The following DCLK1 variants were observed in gnomAD, a reference collection of about 807,000 sequenced individuals.
The protein encoded by DCLK1 is doublecortin like kinase 1.
In DCLK1, 16 loss-of-function variants were observed where a neutral mutation model predicts 86.2. The observed-to-expected ratio is 0.19, with a 90% CI of 0.13 to 0.28. The LOEUF is 0.28. Ranked by LOEUF, DCLK1 falls within the 10% of genes least tolerant of loss-of-function variation. The pLI, the probability that DCLK1 is intolerant of heterozygous loss-of-function variation, is 1.00. For synonymous variants in DCLK1, 369 were observed against 370.5 expected, an observed-to-expected ratio of 1.00 and a Z score of 0.05; for missense variants, 590 against 940.2, an observed-to-expected ratio of 0.63 and a Z score of 4.87.
chr13:35,898,504 C>G (rs1255717506), intron 4 of DCLK1, among the ~76,000 whole-genome samples: 1 of 152,166 alleles, frequency 6.6e-6, no homozygotes, highest in Non-Finnish European at 1.5e-5. Flanking sequence ...TAATGAGAAT[C>G]AAAATTGGCT....
At chr13:35,885,587 T>G (rs1409207909) in intron 4 of DCLK1, among the ~76,000 whole-genome samples, 1 of 152,194 alleles carries the variant, frequency 6.6e-6, no homozygotes, top group East Asian at 1.9e-4. Context: ...AGGTTTTACT[T>G]TCAAGAAATA....
intron 3 of DCLK1, 141 bp downstream of exon 3, chr13:36,111,728 G>C: frequency 1.5e-6 from 1 of 665,278 alleles, no homozygotes; most frequent in Non-Finnish European, 2.5e-6. Context: ...GACTGTTCTA[G>C]GGCCAGCAAG....
chr13:36,039,161 G>A (rs1227366260), intron 3 of DCLK1, among the ~76,000 whole-genome samples: 1 of 152,170 alleles, frequency 6.6e-6, no homozygotes, highest in Middle Eastern at 3.2e-3. Context: ...TTTCAGGTAA[G>A]GAATGAGTAG....
intron 15 of DCLK1, 110 bp downstream of exon 15, chr13:35,805,589 G>A: frequency 9.0e-7 from 1 of 1,105,302 alleles, no homozygotes; most frequent in South Asian, 1.5e-5. Context: ...GTGAGACACT[G>A]CGCCTGGCCC....
At position 35,805,451 on chromosome 13, in the gene DCLK1, T is replaced by A. The variant is rs909856585; in HGVS notation, c.1944+248A>T. ...AGCTGGGACCACAGGCTTGTGCCAC[T>A]ATGCCCAGCTAATTTTTTGTATTTT... On this transcript the variant is annotated intron_variant, in intron 15 of 16. Coordinates refer to ENST00000360631, the MANE Select transcript of DCLK1 (RefSeq NM_001330071.2). 1.2e-5 allele frequency: 5 copies of A among 415,608 alleles called. No individual in the cohort carries two copies. The Admixed American group carries it at 1.7e-4, about 14-fold the overall frequency. The allele number at this position is 415,608 out of a possible 1,614,324, so 25.7% of individuals were successfully genotyped here.
At chr13:36,099,763 G>C (rs1038186797) in intron 3 of DCLK1, among the ~76,000 whole-genome samples, 2 of 152,178 alleles carry the variant, frequency 1.3e-5, no homozygotes, top group African/African-American at 4.8e-5. Context: ...TCCGTGAATA[G>C]TCTGTTCACC....
intron 3 of DCLK1, among the ~76,000 whole-genome samples, chr13:36,040,605 T>C (rs1229111935): frequency 6.6e-6 from 1 of 151,862 alleles, no homozygotes; most frequent in Non-Finnish European, 1.5e-5. Flanking sequence ...GTTAATCTTT[T>C]ATTCTCCTTT....
intron 8 of DCLK1, among the ~76,000 whole-genome samples, chr13:35,834,410 G>A (rs979965859): frequency 2.6e-5 from 4 of 152,160 alleles, no homozygotes; most frequent in African/African-American, 4.8e-5. Context: ...GTGGTTAAAA[G>A]TGTGGTTTTT....
At chr13:36,063,964 G>A (rs547232484) in intron 3 of DCLK1, among the ~76,000 whole-genome samples, 10 of 152,238 alleles carry the variant, frequency 6.6e-5, no homozygotes, top group African/African-American at 2.4e-4. Flanking sequence ...TTTAAAACAT[G>A]ACCTGAAGGG....
chr13:36,066,210 A>T (rs535616231), intron 3 of DCLK1, among the ~76,000 whole-genome samples: 1 of 152,296 alleles, frequency 6.6e-6, no homozygotes, highest in African/African-American at 2.4e-5. Context: ...GAAAGGGTCA[A>T]GTCACTTCCC....
At chr13:35,892,565 T>C (rs538011789) in intron 4 of DCLK1, among the ~76,000 whole-genome samples, 1 of 152,354 alleles carries the variant, frequency 6.6e-6, no homozygotes, top group South Asian at 2.1e-4. Context: ...AATTAGATGT[T>C]AGTTTCCAGT....
chr13:36,036,665 C>T (rs1695618922), intron 3 of DCLK1, among the ~76,000 whole-genome samples: 1 of 151,928 alleles, frequency 6.6e-6, no homozygotes, highest in South Asian at 2.1e-4. Flanking sequence ...CATAGAAAGT[C>T]ACATTTTATT....
At chr13:35,844,507 T>A (rs2153108773) in intron 6 of DCLK1, among the ~76,000 whole-genome samples, 1 of 152,292 alleles carries the variant, frequency 6.6e-6, no homozygotes, top group East Asian at 1.9e-4. Context: ...CCAAGGAGAC[T>A]TGTGTCATTG....
intron 4 of DCLK1, among the ~76,000 whole-genome samples, chr13:35,899,879 C>A (rs1447896381): frequency 6.6e-6 from 1 of 152,130 alleles, no homozygotes; most frequent in Non-Finnish European, 1.5e-5. Context: ...TTCTATAATA[C>A]ACGCTGTTTC....
At chr13:35,974,224 C>T (rs146385846) in intron 3 of DCLK1, among the ~76,000 whole-genome samples, 4 of 152,248 alleles carry the variant, frequency 2.6e-5, no homozygotes, top group East Asian at 1.9e-4. Flanking sequence ...TTCCTAACCC[C>T]GAGTACTTGA....
rs572781600 is a variant in DCLK1 at position 35,848,340 on chromosome 13, T to G, written c.1035+6159A>C. The G allele has an allele frequency of 1.1e-3, 1,096 of 985,078 alleles. 12 individuals carry two copies. The African/African-American group carries it at 0.012, about 11-fold the overall frequency. 61.0% of individuals were successfully genotyped at this position (985,078 alleles called of 1,614,324 possible). A position where few individuals can be genotyped will look rare whatever the true frequency, so the allele number is the denominator to read the frequency against. ...AAGAAATTTTTATTTCTGCTTTAGT[T>G]TAATAGAATTATGTTTTGCATAAAA... On this transcript the variant is annotated intron_variant, in intron 6 of 16. Coordinates refer to ENST00000360631, the MANE Select transcript of DCLK1 (RefSeq NM_001330071.2).
At chr13:36,111,038 G>C (rs1336631387) in intron 3 of DCLK1, among the ~76,000 whole-genome samples, 1 of 151,562 alleles carries the variant, frequency 6.6e-6, no homozygotes, top group Non-Finnish European at 1.5e-5. Context: ...GTTTCACCCT[G>C]TTAGCCAGGA....
chr13:36,104,052 T>C (rs1233006958), intron 3 of DCLK1, among the ~76,000 whole-genome samples: 1 of 152,224 alleles, frequency 6.6e-6, no homozygotes, highest in South Asian at 2.1e-4. Context: ...TTTTCTATAC[T>C]AGAGTCTTTC....
chr13:35,813,112 G>A (rs2087184401), intron 11 of DCLK1, among the ~76,000 whole-genome samples: 1 of 152,206 alleles, frequency 6.6e-6, no homozygotes, highest in East Asian at 1.9e-4. Context: ...CTAGTAGATG[G>A]TCTCGTTGAT....
Sources: allele counts gnomAD v4.1 joint callset (sites outside exome capture counted in the v4.1 genomes callset), GRCh38; gene constraint gnomAD v4.1.1; transcripts MANE v1.5; gene names NCBI Gene and HGNC (gene_info 2026-07-23, HGNC 2026-07-21).